Variants in NRDC observed in about 807,000 individuals in gnomAD.
The protein encoded by NRDC is nardilysin convertase, also known as nardilysin.
NRDC carries 54 observed loss-of-function variants against 147.1 expected under a neutral mutation model. The ratio of observed to expected loss-of-function variants is 0.37; its 90% CI spans 0.29 to 0.46. The LOEUF is 0.46. Among genes scored for constraint, NRDC ranks in the 20% least tolerant of loss-of-function variants. The pLI, the probability that NRDC is intolerant of heterozygous loss-of-function variation, is 1.00. For missense variants in NRDC, 1,082 were observed against 1,370.6 expected, an observed-to-expected ratio of 0.79 and a Z score of 3.33; for synonymous variants, 440 against 482.1, an observed-to-expected ratio of 0.91 and a Z score of 1.14.
intron 3 of NRDC, among the ~76,000 whole-genome samples, chr1:51,835,786 T>C (rs1190886341): frequency 1.3e-5 from 2 of 152,342 alleles, no homozygotes; most frequent in East Asian, 3.9e-4. Context: ...ATTTCTGATG[T>C]TTGGCTGGGG....
At chr1:51,851,851 C>G (rs1681966453) in intron 1 of NRDC, among the ~76,000 whole-genome samples, 1 of 152,130 alleles carries the variant, frequency 6.6e-6, no homozygotes, top group East Asian at 1.9e-4. Context: ...GCTTTAGATC[C>G]CCTCCAGGAA....
chr1:51,812,494 C>T (rs928842071), intron 14 of NRDC, among the ~76,000 whole-genome samples: 1 of 151,972 alleles, frequency 6.6e-6, no homozygotes, highest in South Asian at 2.1e-4. Flanking sequence ...TGCCACCATA[C>T]TCCAGCATGG....
rs1376985644 is a variant in NRDC at position 51,821,515 on chromosome 1, G to C, written c.1200C>G (p.Phe400Leu). Residue 400 changes from phenylalanine to leucine, a missense_variant, in exon 8 of 31, where the codon TTC (phenylalanine) becomes TTG (leucine). Phe to Leu is a conservative substitution (Grantham distance 22). Coordinates refer to ENST00000352171, the MANE Select transcript of NRDC (RefSeq NM_001101662.2). ...TATCTTACTTGTTTGGTATCTGAGA[G>C]AAGATTTCAGTCACCCACTTTTCCA... The part of the protein sequence containing the change: ...DTLEKWVTEI[F>L]SQIPNNGLPR... 1 of 1,606,710 alleles carries C rather than the reference G, an allele frequency of 6.2e-7. No homozygotes were observed. Among genetic ancestry groups the C allele is most frequent in the African/African-American group, 1.3e-5 (1 of 74,916 alleles).
At chr1:51,825,853 C>A (rs1283966984) in intron 5 of NRDC, among the ~76,000 whole-genome samples, 1 of 152,158 alleles carries the variant, frequency 6.6e-6, no homozygotes, top group Non-Finnish European at 1.5e-5. Flanking sequence ...ATGTTTGTGT[C>A]CCCCCACCCA....
At chr1:51,805,044 A>G (rs2149196124) in intron 19 of NRDC, among the ~76,000 whole-genome samples, 1 of 152,376 alleles carries the variant, frequency 6.6e-6, no homozygotes, top group African/African-American at 2.4e-5. Flanking sequence ...ATTCAGACAC[A>G]TTTCCCAAAT....
At chr1:51,835,472 T>G (rs1445357121) in intron 3 of NRDC, among the ~76,000 whole-genome samples, 6 of 146,332 alleles carry the variant, frequency 4.1e-5, no homozygotes, top group Non-Finnish European at 7.6e-5. Context: ...TTCTTGTTTT[T>G]TTTTTTTTTT....
intron 1 of NRDC, chr1:51,860,125 C>A: frequency 6.1e-6 from 1 of 165,178 alleles, no homozygotes; most frequent in Non-Finnish European, 1.4e-5. Flanking sequence ...AGAATGTTTG[C>A]CTTAGAAGAT....
intron 4 of NRDC, among the ~76,000 whole-genome samples, chr1:51,832,421 T>C (rs1336088026): frequency 1.3e-5 from 2 of 152,226 alleles, no homozygotes; most frequent in African/African-American, 4.8e-5. Context: ...TTTGATTTTA[T>C]GGTAATTTTT....
At chr1:51,876,206 A>G (rs148226741) in intron 1 of NRDC, among the ~76,000 whole-genome samples, 12 of 152,324 alleles carry the variant, frequency 7.9e-5, no homozygotes, top group African/African-American at 2.9e-4. Context: ...TTTGATCTGG[A>G]AGGCAAAAAC....
In NRDC at chr1:51,812,049, T is replaced by A; in HGVS notation, c.1724A>T (p.Tyr575Phe). 6.2e-7 allele frequency: 1 copy of A among 1,614,050 alleles called. No individual in the cohort carries two copies. Among genetic ancestry groups the A allele is most frequent in the Non-Finnish European group, 8.5e-7 (1 of 1,179,930 alleles). ...TCCAGTGAGAATGTCCTGCAATGGG[T>A]ACAGCTGCATGTTCTCACACATGTT... The part of the protein sequence containing the change: ...VENMCENMQL[Y>F]PLQDILTGDQ... The change falls in exon 15 of 31, where the codon TAC (tyrosine) becomes TTC (phenylalanine). Residue 575 changes from tyrosine (Y) to phenylalanine (F), a missense_variant. Tyr to Phe is a conservative substitution (Grantham distance 22, BLOSUM62 3). Coordinates refer to ENST00000352171, the MANE Select transcript of NRDC (RefSeq NM_001101662.2).
At chr1:51,829,315 G>A (rs1350892557) in intron 4 of NRDC, among the ~76,000 whole-genome samples, 6 of 152,056 alleles carry the variant, frequency 3.9e-5, no homozygotes, top group African/African-American at 1.4e-4. Context: ...CAAAGTGCTG[G>A]GATTATAGGC....
chr1:51,848,601 T>C (rs981631355), intron 1 of NRDC, among the ~76,000 whole-genome samples: 2 of 152,138 alleles, frequency 1.3e-5, no homozygotes, highest in Admixed American at 1.3e-4. Context: ...CTATTATTAA[T>C]AAATAGAATT....
intron 10 of NRDC, 133 bp downstream of exon 10, chr1:51,817,933 G>A (rs376916202): frequency 9.2e-5 from 59 of 644,324 alleles, no homozygotes; most frequent in Non-Finnish European, 1.1e-4. Context: ...GAAAGCTCCC[G>A]GAGTAATCAA....
chr1:51,793,247 T>C (rs1678735261), intron 24 of NRDC, among the ~76,000 whole-genome samples: 1 of 152,196 alleles, frequency 6.6e-6, no homozygotes, highest in Non-Finnish European at 1.5e-5. Flanking sequence ...TCTATAAACA[T>C]AGTCTTACAA....
At chr1:51,821,369 T>C in intron 8 of NRDC, 129 bp downstream of exon 8, 1 of 553,614 alleles carries the variant, frequency 1.8e-6, no homozygotes, top group African/African-American at 1.9e-5. Flanking sequence ...TTGACAGTCA[T>C]TAAGTTTGTT....
intron 1 of NRDC, among the ~76,000 whole-genome samples, chr1:51,865,783 T>C (rs549561084): frequency 1.4e-4 from 21 of 151,996 alleles, no homozygotes; most frequent in South Asian, 4.2e-4. Flanking sequence ...CCAAGCATGA[T>C]AGCTCACGCC....
chr1:51,872,588 A>T (rs1035278232), intron 1 of NRDC, among the ~76,000 whole-genome samples: 2 of 152,148 alleles, frequency 1.3e-5, no homozygotes, highest in Non-Finnish European at 1.5e-5. Flanking sequence ...ATGTAGTCCC[A>T]GCTACTTAGG....
intron 20 of NRDC, among the ~76,000 whole-genome samples, chr1:51,802,724 G>A (rs1679267613): frequency 6.6e-6 from 1 of 152,176 alleles, no homozygotes; most frequent in Non-Finnish European, 1.5e-5. Context: ...GGCATAAAAA[G>A]GTGAGAGCTA....
At chr1:51,826,265 TTCC>T (rs1317301337) in intron 5 of NRDC, among the ~76,000 whole-genome samples, 1 of 152,186 alleles carries the variant, frequency 6.6e-6, no homozygotes, top group African/African-American at 2.4e-5. Context: ...CCTGATTCCA[TTCC>T]TCCAAAACTG....
Sources: gnomAD v4.1 joint callset for allele counts (sites outside exome capture counted in the v4.1 genomes callset) on GRCh38, gnomAD v4.1.1 for gene constraint, MANE v1.5 for transcripts, NCBI Gene and HGNC (gene_info 2026-07-23, HGNC 2026-07-21) for gene names.